The following TMEM132D variants were observed in gnomAD, a reference collection of about 807,000 sequenced individuals.
TMEM132D encodes mature OL transmembrane protein.
A neutral mutation model predicts 62.3 loss-of-function variants in TMEM132D; 21 were observed. The observed-to-expected ratio is 0.34, with a 90% CI of 0.24 to 0.49. The LOEUF (loss-of-function observed/expected upper bound fraction) is 0.49, where lower values mean the gene tolerates loss of function less well. TMEM132D is among the 20% of genes least tolerant of loss of function. The pLI is 0.99. For missense variants in TMEM132D, 1,346 were observed against 1,402.8 expected, an observed-to-expected ratio of 0.96 and a Z score of 0.65; for synonymous variants, 621 against 575.6, an observed-to-expected ratio of 1.08 and a Z score of -1.13.
chr12:129,596,365 T>C (rs1297442526), intron 2 of TMEM132D, among the ~76,000 whole-genome samples: 1 of 152,174 alleles, frequency 6.6e-6, no homozygotes, highest in Admixed American at 6.5e-5. Context: ...ATATTGTGTG[T>C]GTCTATGTGT....
intron 3 of TMEM132D, among the ~76,000 whole-genome samples, chr12:129,426,293 G>A (rs1356620776): frequency 4.6e-5 from 7 of 152,204 alleles, no homozygotes; most frequent in African/African-American, 1.7e-4. Flanking sequence ...AAAACAGCAG[G>A]AGAAAGGAGG....
intron 5 of TMEM132D, among the ~76,000 whole-genome samples, chr12:129,138,765 TAAAAACAAACAGC>T (rs1876657562): frequency 1.3e-5 from 2 of 152,096 alleles, no homozygotes; most frequent in African/African-American, 4.8e-5. Context: ...GAACTGGTAA[TAAAAACAAACAGC>T]AAAAACAAGC....
At position 129,263,004 on chromosome 12, in the gene TMEM132D, G is replaced by A. The variant is rs1880591810; in HGVS notation, c.1300-53341C>T. ...AATGGGGAGCTCCAACAATAGAGCA[G>A]ACAGGAATGAGAAAGTCGCGTCTGA... On this transcript the variant is annotated intron_variant, in intron 4 of 8. Coordinates refer to ENST00000422113, the MANE Select transcript of TMEM132D (RefSeq NM_133448.3). 2.0e-5 allele frequency among the ~76,000 whole-genome samples: 3 copies of A among 152,154 alleles called. No individual in the cohort carries two copies. In the South Asian group the frequency reaches 6.2e-4, roughly 32 times the overall value.
At chr12:129,633,768 T>G (rs1385735531) in intron 2 of TMEM132D, among the ~76,000 whole-genome samples, 2 of 152,144 alleles carry the variant, frequency 1.3e-5, no homozygotes, top group African/African-American at 2.4e-5. Flanking sequence ...CATTGGTTCA[T>G]GTTCTCATTG....
intron 1 of TMEM132D, among the ~76,000 whole-genome samples, chr12:129,901,522 A>G (rs1458362109): frequency 1.3e-5 from 2 of 152,238 alleles, no homozygotes; most frequent in East Asian, 3.8e-4. Flanking sequence ...GCTTAAGTTC[A>G]ATACACAAAA....
rs148596031 is a variant in TMEM132D, at chr12:129,265,842, G to A, written c.1300-56179C>T. ...AAATTTCTACCTCCTCCCCTCCCAG[G>A]CACAGCTGTCCCTCTTACAATCTTT... On this transcript the variant is annotated intron_variant, in intron 4 of 8. Transcript: ENST00000422113. Among the ~76,000 whole-genome samples, 345 of 151,882 alleles carry A rather than the reference G, an allele frequency of 2.3e-3. 1 individual carries two copies. The highest frequency in any genetic ancestry group is 7.7e-3 in the African/African-American group (317 of 41,414).
chr12:129,151,880 CTTTT>C (rs11384544), intron 5 of TMEM132D, among the ~76,000 whole-genome samples: 4 of 133,526 alleles, frequency 3.0e-5, no homozygotes, highest in Admixed American at 2.3e-4. Context: ...GTGATTCAAC[CTTTT>C]TTTTTTTTTT....
chr12:129,392,327 G>C (rs1003210643), intron 3 of TMEM132D, among the ~76,000 whole-genome samples: 1 of 152,060 alleles, frequency 6.6e-6, no homozygotes, highest in African/African-American at 2.4e-5. Flanking sequence ...CAAAGTGCTG[G>C]GATTACAGGC....
In TMEM132D at chr12:129,549,079, C is replaced by T. The variant is rs191262156; in HGVS notation, c.969-17874G>A. ...TTTGGCTGTGTCCCCACCCAAATCT[C>T]ATCTTGAATTGTAGCTCCCATAATT... On this transcript the variant is annotated intron_variant, in intron 2 of 8. Coordinates refer to ENST00000422113, the MANE Select transcript of TMEM132D (RefSeq NM_133448.3). Among the ~76,000 whole-genome samples, 7 of 152,146 alleles carry T rather than the reference C, an allele frequency of 4.6e-5. 1 individual carries two copies. The highest frequency in any genetic ancestry group is 2.6e-4 in the Admixed American group (4 of 15,278).
intron 3 of TMEM132D, among the ~76,000 whole-genome samples, chr12:129,420,317 T>G (rs866708869): frequency 1.0e-5 from 1 of 97,810 alleles, no homozygotes; most frequent in African/African-American, 3.9e-5. Flanking sequence ...TTTTTTTTTT[T>G]TTTTTTTTTT....
intron 2 of TMEM132D, among the ~76,000 whole-genome samples, chr12:129,670,235 A>T (rs1280394034): frequency 6.6e-6 from 1 of 152,192 alleles, no homozygotes; most frequent in Non-Finnish European, 1.5e-5. Flanking sequence ...TTCATAGTTT[A>T]AACAAAGATG....
intron 4 of TMEM132D, among the ~76,000 whole-genome samples, chr12:129,312,575 T>G (rs1882002603): frequency 6.6e-6 from 1 of 152,188 alleles, no homozygotes; most frequent in African/African-American, 2.4e-5. Context: ...GTTTGTTTTG[T>G]TTTTTGTTTT....
chr12:129,265,682 C>A (rs1465702987), intron 4 of TMEM132D, among the ~76,000 whole-genome samples: 1 of 151,998 alleles, frequency 6.6e-6, no homozygotes, highest in Non-Finnish European at 1.5e-5. Context: ...TCCTCAACAC[C>A]CTCCCACTTC....
intron 3 of TMEM132D, among the ~76,000 whole-genome samples, chr12:129,450,430 C>G (rs563737256): frequency 6.6e-6 from 1 of 152,062 alleles, no homozygotes; most frequent in Admixed American, 6.6e-5. Flanking sequence ...TGTAACAAAC[C>G]TGTACTTGCA....
intron 5 of TMEM132D, among the ~76,000 whole-genome samples, chr12:129,173,003 T>C (rs1331295403): frequency 1.3e-5 from 2 of 152,184 alleles, no homozygotes; most frequent in Non-Finnish European, 2.9e-5. Context: ...CCATCTTCTA[T>C]GGGTGGGATT....
intron 5 of TMEM132D, among the ~76,000 whole-genome samples, chr12:129,200,646 G>A (rs1878677668): frequency 6.6e-6 from 1 of 152,200 alleles, no homozygotes; most frequent in African/African-American, 2.4e-5. Context: ...TGCCTCCTGG[G>A]GGCTGTCCCT....
intron 2 of TMEM132D, among the ~76,000 whole-genome samples, chr12:129,651,022 A>G (rs1398880048): frequency 1.3e-5 from 2 of 152,224 alleles, no homozygotes. Context: ...AAAATATGTT[A>G]TAAGCATCTG....
At chr12:129,134,136 G>C (rs79555290) in intron 5 of TMEM132D, among the ~76,000 whole-genome samples, 305 of 95,430 alleles carry the variant, frequency 3.2e-3, no homozygotes, top group African/African-American at 8.6e-3. Context: ...GTGTGTGTCT[G>C]TGTGTGTGTG....
intron 2 of TMEM132D, among the ~76,000 whole-genome samples, chr12:129,603,869 C>CAT (rs1208975414): frequency 6.6e-6 from 1 of 152,150 alleles, no homozygotes; most frequent in African/African-American, 2.4e-5. Context: ...CACATGCACA[C>CAT]ATATATTTAC....
Sources: gnomAD v4.1 joint callset for allele counts (sites outside exome capture counted in the v4.1 genomes callset) on GRCh38, gnomAD v4.1.1 for gene constraint, MANE v1.5 for transcripts, NCBI Gene and HGNC (gene_info 2026-07-23, HGNC 2026-07-21) for gene names.